The following THSD7B variants were observed in gnomAD, a reference collection of about 807,000 sequenced individuals.
The protein encoded by THSD7B is thrombospondin type 1 domain containing 7B.
Under a neutral mutation model 213.6 loss-of-function variants are expected in THSD7B, and 138 were observed. The observed-to-expected ratio is 0.65, with a 90% confidence interval of 0.56 to 0.74. The LOEUF (loss-of-function observed/expected upper bound fraction) is 0.74, where lower values mean the gene tolerates loss of function less well. Among genes scored for constraint, THSD7B ranks in the 30% least tolerant of loss-of-function variants. The pLI, the probability that THSD7B is intolerant of heterozygous loss-of-function variation, is 0.00. For synonymous variants in THSD7B, 742 were observed against 687.0 expected, an observed-to-expected ratio of 1.08 and a Z score of -1.25; for missense variants, 1,931 against 1,991.5, an observed-to-expected ratio of 0.97 and a Z score of 0.58.
intron 17 of THSD7B, among the ~76,000 whole-genome samples, chr2:137,601,589 A>G (rs1281645793): frequency 6.6e-6 from 1 of 152,192 alleles, no homozygotes; most frequent in Non-Finnish European, 1.5e-5. Flanking sequence ...GAAATTGCCT[A>G]ATGATGGATT....
chr2:137,580,613 T>C (rs564561624), intron 17 of THSD7B, among the ~76,000 whole-genome samples: 4 of 152,328 alleles, frequency 2.6e-5, no homozygotes, highest in Admixed American at 1.3e-4. Context: ...TTTTTATCTT[T>C]TCCTGGTATA....
rs530652632 is a variant in THSD7B, at chr2:137,214,822, C to T, written c.1724-16222C>T. Among the ~76,000 whole-genome samples, 6 of 152,234 alleles carry T rather than the reference C, an allele frequency of 3.9e-5. No individual in the cohort carries two copies. The South Asian group carries it at 1.2e-3, about 32-fold the overall frequency. ...TGTATATGTGCCACATTTTCTTTAT[C>T]CAGTCTATCGCTGATGGGCATTTGG... On this transcript the variant is annotated intron_variant, in intron 7 of 27. Transcript: ENST00000409968.
At chr2:137,277,116 C>A (rs890108793) in intron 12 of THSD7B, among the ~76,000 whole-genome samples, 1 of 151,914 alleles carries the variant, frequency 6.6e-6, no homozygotes, top group Non-Finnish European at 1.5e-5. Flanking sequence ...ATGAATGGAG[C>A]CCTGTTAAAA....
chr2:137,658,229 T>C (rs1683276308), intron 24 of THSD7B, among the ~76,000 whole-genome samples: 1 of 152,238 alleles, frequency 6.6e-6, no homozygotes, highest in Non-Finnish European at 1.5e-5. Flanking sequence ...AAGCTACTTA[T>C]CTTTTTTGTA....
chr2:136,986,199 G>T (rs1172639625), intron 2 of THSD7B, among the ~76,000 whole-genome samples: 3 of 152,074 alleles, frequency 2.0e-5, no homozygotes, highest in Non-Finnish European at 4.4e-5. Flanking sequence ...ATTAGGGGGG[G>T]ACTATTACTA....
At chr2:137,297,529 C>G (rs1427407698) in intron 12 of THSD7B, among the ~76,000 whole-genome samples, 1 of 151,752 alleles carries the variant, frequency 6.6e-6, no homozygotes, top group Non-Finnish European at 1.5e-5. Flanking sequence ...ATAAATATGA[C>G]AATTTCTGAA....
At chr2:137,179,491 C>T (rs1335089056) in intron 7 of THSD7B, among the ~76,000 whole-genome samples, 2 of 151,552 alleles carry the variant, frequency 1.3e-5, no homozygotes, top group African/African-American at 4.9e-5. Flanking sequence ...GTGGTATGGC[C>T]AGTATGACTA....
chr2:137,651,312 T>C (rs909954512), intron 21 of THSD7B, among the ~76,000 whole-genome samples: 2 of 152,050 alleles, frequency 1.3e-5, no homozygotes, highest in East Asian at 1.9e-4. Context: ...AGGTTGTGTA[T>C]GTCCAGGAAT....
chr2:136,887,075 T>A (rs1683731146), intron 2 of THSD7B, among the ~76,000 whole-genome samples: 1 of 152,146 alleles, frequency 6.6e-6, no homozygotes, highest in African/African-American at 2.4e-5. Context: ...AAGAAAATTG[T>A]TGTGGCAAAA....
intron 12 of THSD7B, among the ~76,000 whole-genome samples, chr2:137,365,200 G>A (rs1431959593): frequency 6.6e-6 from 1 of 152,182 alleles, no homozygotes; most frequent in African/African-American, 2.4e-5. Flanking sequence ...GAAGAAAGCT[G>A]AAACTGGATC....
chr2:136,845,982 T>C (rs1034873245), intron 1 of THSD7B, among the ~76,000 whole-genome samples: 3 of 152,134 alleles, frequency 2.0e-5, no homozygotes, highest in African/African-American at 7.2e-5. Flanking sequence ...GATGAGGGGC[T>C]CTGGTGAGCA....
chr2:137,007,569 G>C (rs897171990), intron 2 of THSD7B, among the ~76,000 whole-genome samples: 1 of 152,076 alleles, frequency 6.6e-6, no homozygotes, highest in South Asian at 2.1e-4. Flanking sequence ...AATTTGAATT[G>C]GTGAGTGATA....
chr2:137,665,823 G>A (rs1001020768), intron 26 of THSD7B, among the ~76,000 whole-genome samples: 3 of 152,138 alleles, frequency 2.0e-5, no homozygotes, highest in African/African-American at 7.2e-5. Context: ...AGAAGAGGTA[G>A]ACCTTCTTTT....
chr2:137,650,971 T>C (rs572087759), intron 21 of THSD7B, among the ~76,000 whole-genome samples: 23 of 152,280 alleles, frequency 1.5e-4, no homozygotes, highest in Non-Finnish European at 3.4e-4. Context: ...TTGAATTTGG[T>C]TTGCTAATAT....
chr2:137,515,658 C>T (rs1233830089), intron 15 of THSD7B, among the ~76,000 whole-genome samples: 9 of 152,012 alleles, frequency 5.9e-5, no homozygotes, highest in Admixed American at 2.6e-4. Context: ...TTATTTGGGC[C>T]CACTAAGTAG....
At chr2:136,823,716 T>C (rs1468627320) in intron 1 of THSD7B, among the ~76,000 whole-genome samples, 1 of 152,218 alleles carries the variant, frequency 6.6e-6, no homozygotes, top group Non-Finnish European at 1.5e-5. Flanking sequence ...CTGATTTTTC[T>C]TCTCATTTTC....
At chr2:137,470,122 G>T (rs1688064826) in intron 15 of THSD7B, among the ~76,000 whole-genome samples, 1 of 152,114 alleles carries the variant, frequency 6.6e-6, no homozygotes, top group African/African-American at 2.4e-5. Flanking sequence ...CACTTTATTG[G>T]CATAGAAGCA....
intron 17 of THSD7B, among the ~76,000 whole-genome samples, chr2:137,586,607 C>A (rs1343111569): frequency 6.6e-6 from 1 of 152,068 alleles, no homozygotes; most frequent in Non-Finnish European, 1.5e-5. Flanking sequence ...CTTAGTTTGG[C>A]TGGATATGAA....
At chr2:136,799,436 C>T (rs1682134414) in intron 1 of THSD7B, among the ~76,000 whole-genome samples, 1 of 151,924 alleles carries the variant, frequency 6.6e-6, no homozygotes, top group Admixed American at 6.6e-5. Flanking sequence ...TCATAGATTC[C>T]ATTTTTTTGT....
Sources: allele counts gnomAD v4.1 joint callset (sites outside exome capture counted in the v4.1 genomes callset), GRCh38; gene constraint gnomAD v4.1.1; transcripts MANE v1.5; gene names NCBI Gene and HGNC (gene_info 2026-07-23, HGNC 2026-07-21).